Variants in FNDC1 observed in about 807,000 individuals in gnomAD.
The protein encoded by FNDC1 is fibronectin type III domain containing 1.
A neutral mutation model predicts 168.0 loss-of-function variants in FNDC1; 96 were observed. The observed-to-expected ratio is 0.57, with a 90% CI of 0.48 to 0.68. FNDC1 has a LOEUF of 0.68. FNDC1 is among the 30% of genes least tolerant of loss of function. The pLI is 0.00. For synonymous variants in FNDC1, 1,099 were observed against 1,025.9 expected, an observed-to-expected ratio of 1.07 and a Z score of -1.36; for missense variants, 2,587 against 2,482.1, an observed-to-expected ratio of 1.04 and a Z score of -0.90.
intron 11 of FNDC1, 37 bp downstream of exon 11, chr6:159,234,516 T>C (rs2114994818): frequency 6.3e-7 from 1 of 1,598,472 alleles, no homozygotes; most frequent in East Asian, 2.2e-5. Flanking sequence ...CTTTAAGGTG[T>C]TCAGTGGTGT....
chr6:159,213,402 A>G (rs1782645438), intron 4 of FNDC1, among the ~76,000 whole-genome samples: 1 of 152,182 alleles, frequency 6.6e-6, no homozygotes, highest in Non-Finnish European at 1.5e-5. Context: ...AAGACCTTTT[A>G]AAAAATTTTT....
intron 4 of FNDC1, among the ~76,000 whole-genome samples, chr6:159,208,318 A>G (rs1248952146): frequency 1.3e-5 from 2 of 152,204 alleles, no homozygotes; most frequent in Non-Finnish European, 2.9e-5. Flanking sequence ...CTGGGTCTAG[A>G]GATAAGCTAC....
intron 1 of FNDC1, among the ~76,000 whole-genome samples, chr6:159,176,945 TG>T (rs1218427130): frequency 1.3e-5 from 2 of 152,250 alleles, no homozygotes; most frequent in Admixed American, 1.3e-4. Context: ...GAATCATCTT[TG>T]TTTCATGTTT....
intron 19 of FNDC1, among the ~76,000 whole-genome samples, chr6:159,264,507 G>A (rs1777552800): frequency 2.0e-5 from 3 of 152,138 alleles, no homozygotes; most frequent in African/African-American, 4.8e-5. Flanking sequence ...AAACACTTGT[G>A]TTGTTTCAAC....
intron 18 of FNDC1, among the ~76,000 whole-genome samples, chr6:159,260,359 A>G (rs1222819269): frequency 6.6e-6 from 1 of 152,196 alleles, no homozygotes; most frequent in Non-Finnish European, 1.5e-5. Context: ...TGCAAATAAC[A>G]TGCTTCGAGA....
chr6:159,265,583 T>C (rs1282937195), intron 20 of FNDC1, among the ~76,000 whole-genome samples: 1 of 152,162 alleles, frequency 6.6e-6, no homozygotes, highest in Non-Finnish European at 1.5e-5. Flanking sequence ...AAATGTACTT[T>C]AGTACTAAAA....
chr6:159,189,810 G>A (rs1270301328), intron 1 of FNDC1, among the ~76,000 whole-genome samples: 1 of 152,174 alleles, frequency 6.6e-6, no homozygotes, highest in Admixed American at 6.5e-5. Flanking sequence ...GTGATGGGAG[G>A]GATTTCTGTG....
intron 1 of FNDC1, among the ~76,000 whole-genome samples, chr6:159,188,199 T>C (rs540729121): frequency 4.6e-5 from 7 of 151,920 alleles, no homozygotes; most frequent in Non-Finnish European, 1.0e-4. Flanking sequence ...ATTTTTGGGG[T>C]TTTATTGGAC....
At chr6:159,269,128 C>G (rs1243449026) in intron 22 of FNDC1, among the ~76,000 whole-genome samples, 1 of 151,306 alleles carries the variant, frequency 6.6e-6, no homozygotes, top group Non-Finnish European at 1.5e-5. Context: ...ATCCATCCAT[C>G]TGTCCATCCA....
chr6:159,190,752 G>T (rs1782119108), intron 1 of FNDC1, among the ~76,000 whole-genome samples: 2 of 152,230 alleles, frequency 1.3e-5, no homozygotes, highest in African/African-American at 4.8e-5. Context: ...GCACTTTTGT[G>T]CCCCATGCTT....
At chr6:159,262,112 A>G (rs1015662674) in intron 19 of FNDC1, among the ~76,000 whole-genome samples, 1 of 152,066 alleles carries the variant, frequency 6.6e-6, no homozygotes, top group Non-Finnish European at 1.5e-5. Flanking sequence ...GTCTCTGAAA[A>G]CATAGTTCCT....
At chr6:159,216,772 A>T (rs113704870) in intron 5 of FNDC1, among the ~76,000 whole-genome samples, 2 of 152,166 alleles carry the variant, frequency 1.3e-5, no homozygotes, top group African/African-American at 4.8e-5. Context: ...CTTGCTTCTT[A>T]CTTACTGTCA....
chr6:159,219,819 T>C (rs1782784440), intron 5 of FNDC1, among the ~76,000 whole-genome samples: 1 of 152,186 alleles, frequency 6.6e-6, no homozygotes, highest in Non-Finnish European at 1.5e-5. Flanking sequence ...TGAGAAATGA[T>C]GGGACACTGC....
intron 4 of FNDC1, among the ~76,000 whole-genome samples, chr6:159,207,834 A>G (rs929416619): frequency 1.3e-5 from 2 of 152,182 alleles, no homozygotes; most frequent in Admixed American, 6.5e-5. Context: ...TTTAAACTAA[A>G]ACAAACAACC....
chr6:159,177,192 C>T (rs1781779046), intron 1 of FNDC1, among the ~76,000 whole-genome samples: 1 of 152,086 alleles, frequency 6.6e-6, no homozygotes, highest in Non-Finnish European at 1.5e-5. Context: ...TGGTAAGTAA[C>T]TTGGCTTAAA....
intron 4 of FNDC1, among the ~76,000 whole-genome samples, chr6:159,202,521 C>G (rs1271194763): frequency 2.0e-5 from 3 of 152,202 alleles, no homozygotes; most frequent in Non-Finnish European, 4.4e-5. Context: ...GCATGGGCAC[C>G]TGGTGTAAGG....
At chr6:159,242,006 T>G (rs1025079219) in intron 14 of FNDC1, among the ~76,000 whole-genome samples, 1 of 152,202 alleles carries the variant, frequency 6.6e-6, no homozygotes, top group Non-Finnish European at 1.5e-5. Context: ...GAAATTAAAT[T>G]TTTACTATTA....
At chr6:159,235,022 C>T (rs901751330) in intron 11 of FNDC1, among the ~76,000 whole-genome samples, 1 of 152,222 alleles carries the variant, frequency 6.6e-6, no homozygotes, top group Non-Finnish European at 1.5e-5. Context: ...ACCAAACAAA[C>T]CCTGAGACAA....
chr6:159,268,032 T>C (rs907100510), intron 22 of FNDC1, 106 bp downstream of exon 22: 1 of 1,222,674 alleles, frequency 8.2e-7, no homozygotes, highest in South Asian at 1.4e-5. Flanking sequence ...CATTCGAAGA[T>C]GGATGTTGGG....
Sources: allele counts gnomAD v4.1 joint callset (sites outside exome capture counted in the v4.1 genomes callset), GRCh38; gene constraint gnomAD v4.1.1; transcripts MANE v1.5; gene names NCBI Gene and HGNC (gene_info 2026-07-23, HGNC 2026-07-21).